NIBAN1: variants seen among roughly 807,000 people sequenced by gnomAD.
NIBAN1 encodes the protein protein Niban 1.
NIBAN1 carries 81 observed loss-of-function variants against 75.1 expected under a neutral mutation model. The observed-to-expected ratio is 1.08, with a 90% CI of 0.90 to 1.30. The LOEUF (loss-of-function observed/expected upper bound fraction) is 1.30, where lower values mean the gene tolerates loss of function less well. Ranked by LOEUF, NIBAN1 falls within the 50% of genes most tolerant of loss-of-function variation. The pLI, the probability that NIBAN1 is intolerant of heterozygous loss-of-function variation, is 0.00. For missense variants in NIBAN1, 1,133 were observed against 1,128.1 expected (o/e 1.00, Z -0.06); for synonymous variants, 436 against 424.8 (o/e 1.03, Z -0.32).
In NIBAN1 at chr1:184,795,942, CT is replaced by C. The variant is rs765463926; in HGVS notation, c.1821del (p.Val608PhefsTer48). The C allele has an allele frequency of 1.9e-6, 3 of 1,614,086 alleles. No homozygotes were observed. The highest frequency in any genetic ancestry group is 2.5e-6 in the Non-Finnish European group (3 of 1,180,032). On this transcript the variant is annotated frameshift_variant, in exon 14 of 14. Transcript: ENST00000367511. LOFTEE classifies it low-confidence loss of function (END_TRUNC). ...PARRASAILP[G>X]VLGSETLSNE... Reference sequence around the variant, plus strand: ...TTACTGAGGGTCTCACTACCCAGAACTCCTGGCAGAATGGCAGAAGCTCTCC... The same window carrying C: ...TTACTGAGGGTCTCACTACCCAGAACCCTGGCAGAATGGCAGAAGCTCTCC...
chr1:184,820,478 A>G (rs1395886948), intron 8 of NIBAN1, among the ~76,000 whole-genome samples: 1 of 152,030 alleles, frequency 6.6e-6, no homozygotes, highest in Non-Finnish European at 1.5e-5. Context: ...TCCTCTCTTC[A>G]AGGCCCAGTT....
chr1:184,930,749 G>C (rs1657796916), intron 1 of NIBAN1, among the ~76,000 whole-genome samples: 1 of 152,150 alleles, frequency 6.6e-6, no homozygotes, highest in Non-Finnish European at 1.5e-5. Flanking sequence ...CAGAGCTTAA[G>C]GTATGGATGC....
chr1:184,918,380 G>A (rs1162191110), intron 1 of NIBAN1, among the ~76,000 whole-genome samples: 1 of 152,150 alleles, frequency 6.6e-6, no homozygotes, highest in Non-Finnish European at 1.5e-5. Context: ...GGTAACATTA[G>A]AAAACACATA....
intron 1 of NIBAN1, among the ~76,000 whole-genome samples, chr1:184,905,430 GA>G (rs541982845): frequency 7.3e-5 from 11 of 150,102 alleles, no homozygotes; most frequent in South Asian, 2.1e-4. Flanking sequence ...ATCTTTGTAA[GA>G]AAAAAAAAAT....
At chr1:184,972,135 T>G (rs1289079933) in intron 1 of NIBAN1, among the ~76,000 whole-genome samples, 1 of 152,246 alleles carries the variant, frequency 6.6e-6, no homozygotes, top group Admixed American at 6.5e-5. Context: ...CTCTCCTTGT[T>G]AGCAAAGTTT....
At chr1:184,927,492 C>G (rs571976898) in intron 1 of NIBAN1, among the ~76,000 whole-genome samples, 21 of 152,122 alleles carry the variant, frequency 1.4e-4, no homozygotes, top group Non-Finnish European at 2.8e-4. Context: ...CCCCTGCTTT[C>G]TCCAAAACAA....
rs1557867610 is a variant in NIBAN1, at chr1:184,798,146, AT to A, written c.1598del (p.Asn533IlefsTer2). ...CATAGACATTTTCAACGTGAATCATATTGGTATGATCTGCAAAGATGAACTG... is the reference window on the plus strand; with the variant it reads ...CATAGACATTTTCAACGTGAATCATATGGTATGATCTGCAAAGATGAACTG... ...YEQFIFADHT[N>X]MIHVENVYEE... On this transcript the variant is annotated frameshift_variant, in exon 13 of 14. Transcript: ENST00000367511. LOFTEE classifies it high-confidence loss of function. 4 of 1,611,412 alleles carry A rather than the reference AT, an allele frequency of 2.5e-6. No individual in the cohort carries two copies. Among genetic ancestry groups the A allele is most frequent in the Non-Finnish European group, 3.4e-6 (4 of 1,178,004 alleles).
Position 184,875,843 on chromosome 1 carries a change from T to C in NIBAN1, c.601+8790A>G, listed in dbSNP as rs541000936. On this transcript the variant is annotated intron_variant, in intron 5 of 13. Transcript: ENST00000367511. ...AAATTAACATAATAGAAAACAAATA[T>C]ACAATAATCTCCCCAGTCCAAATCT... 4.7e-4 allele frequency among the ~76,000 whole-genome samples: 72 copies of C among 152,124 alleles called. 1 individual carries two copies. The highest frequency in any genetic ancestry group is 3.3e-3 in the South Asian group (16 of 4,816).
intron 9 of NIBAN1, among the ~76,000 whole-genome samples, chr1:184,812,293 G>T (rs1654403751): frequency 6.6e-6 from 1 of 152,144 alleles, no homozygotes; most frequent in South Asian, 2.1e-4. Flanking sequence ...GTTTGATATT[G>T]GGTGCTAAGC....
chr1:184,805,802 C>T (rs1465912408), intron 11 of NIBAN1, 144 bp downstream of exon 11: 4 of 645,964 alleles, frequency 6.2e-6, no homozygotes, highest in East Asian at 5.5e-5. Context: ...GAAACTGCAG[C>T]GGACTGACAG....
chr1:184,836,450 C>T (rs1261444799), intron 5 of NIBAN1, among the ~76,000 whole-genome samples: 1 of 152,176 alleles, frequency 6.6e-6, no homozygotes, highest in African/African-American at 2.4e-5. Flanking sequence ...TCAGTAACTG[C>T]AGGAGACACT....
chr1:184,828,182 A>C (rs1654896519), intron 6 of NIBAN1, among the ~76,000 whole-genome samples: 2 of 152,124 alleles, frequency 1.3e-5, no homozygotes, highest in African/African-American at 4.8e-5. Context: ...TCACCTTAAC[A>C]GTCTGCCAGG....
At chr1:184,963,045 T>G (rs1474304125) in intron 1 of NIBAN1, among the ~76,000 whole-genome samples, 1 of 152,002 alleles carries the variant, frequency 6.6e-6, no homozygotes, top group Non-Finnish European at 1.5e-5. Flanking sequence ...TGACTTTTAT[T>G]AATGCAAGTG....
chr1:184,919,378 T>G (rs766336875), intron 1 of NIBAN1, among the ~76,000 whole-genome samples: 7 of 152,242 alleles, frequency 4.6e-5, no homozygotes, highest in Non-Finnish European at 1.0e-4. Context: ...ACCATTCTGC[T>G]GGAAGCCAAG....
chr1:184,931,146 C>T (rs1265807094), intron 1 of NIBAN1, among the ~76,000 whole-genome samples: 1 of 151,920 alleles, frequency 6.6e-6, no homozygotes, highest in Admixed American at 6.6e-5. Context: ...ATTACTGGCA[C>T]CCACTACCCT....
chr1:184,911,493 C>T (rs1459904965), intron 1 of NIBAN1, among the ~76,000 whole-genome samples: 1 of 152,190 alleles, frequency 6.6e-6, no homozygotes, highest in South Asian at 2.1e-4. Flanking sequence ...GTACCCCCTC[C>T]CTTAATCGCA....
At chr1:184,934,852 G>A (rs1255401193) in intron 1 of NIBAN1, among the ~76,000 whole-genome samples, 1 of 151,320 alleles carries the variant, frequency 6.6e-6, no homozygotes, top group Non-Finnish European at 1.5e-5. Flanking sequence ...CCAAGATCAT[G>A]CCACTGCACT....
At chr1:184,799,688 A>G (rs1653977624) in intron 12 of NIBAN1, among the ~76,000 whole-genome samples, 1 of 111,942 alleles carries the variant, frequency 8.9e-6, no homozygotes, top group African/African-American at 4.0e-5. Flanking sequence ...ATTTCTCCAC[A>G]TCCTCTCCAG....
chr1:184,962,766 CAATG>C (rs1431978915), intron 1 of NIBAN1, among the ~76,000 whole-genome samples: 1 of 152,118 alleles, frequency 6.6e-6, no homozygotes. Flanking sequence ...ATAAGAATTA[CAATG>C]GGATTTGTGA....
Sources: allele counts gnomAD v4.1 joint callset (sites outside exome capture counted in the v4.1 genomes callset), GRCh38; gene constraint gnomAD v4.1.1; transcripts MANE v1.5; gene names NCBI Gene and HGNC (gene_info 2026-07-23, HGNC 2026-07-21).